MCU: variants seen among roughly 807,000 people sequenced by gnomAD.
MCU encodes the protein mitochondrial calcium uniporter, also known as calcium uniporter protein, mitochondrial.
MCU carries 12 observed loss-of-function variants against 45.2 expected under a neutral mutation model. The observed-to-expected ratio is 0.27, with a 90% CI of 0.17 to 0.43. The LOEUF (loss-of-function observed/expected upper bound fraction) is 0.43. Among genes scored for constraint, MCU ranks in the 20% least tolerant of loss-of-function variants. The pLI, the probability that MCU is intolerant of heterozygous loss-of-function variation, is 1.00. For synonymous variants in MCU, 160 were observed against 165.1 expected, an observed-to-expected ratio of 0.97 and a Z score of 0.24; for missense variants, 324 against 436.7, an observed-to-expected ratio of 0.74 and a Z score of 2.30.
chr10:72,767,291 AAG>A (rs1843741625), intron 1 of MCU, among the ~76,000 whole-genome samples: 1 of 152,128 alleles, frequency 6.6e-6, no homozygotes, highest in Non-Finnish European at 1.5e-5. Context: ...TTGCCTAGGA[AAG>A]GTCTTAGCTG....
intron 1 of MCU, among the ~76,000 whole-genome samples, chr10:72,742,962 C>T (rs539918665): frequency 6.3e-4 from 95 of 150,752 alleles, no homozygotes; most frequent in Non-Finnish European, 1.6e-4. Flanking sequence ...GTTTTGGTAT[C>T]GAATGGACAT....
Sources: allele counts gnomAD v4.1 joint callset (sites outside exome capture counted in the v4.1 genomes callset), GRCh38; gene constraint gnomAD v4.1.1; transcripts MANE v1.5; gene names NCBI Gene and HGNC (gene_info 2026-07-23, HGNC 2026-07-21).